MCU: variants seen among roughly 807,000 people sequenced by gnomAD.
The protein encoded by MCU is mitochondrial calcium uniporter, also known as calcium uniporter protein, mitochondrial.
MCU carries 12 observed loss-of-function variants against 45.2 expected under a neutral mutation model. That is an observed-to-expected ratio of 0.27 (90% CI 0.17 to 0.43). The LOEUF (loss-of-function observed/expected upper bound fraction) is 0.43. MCU is among the 20% of genes least tolerant of loss of function. MCU has a pLI of 1.00. For synonymous variants in MCU, 160 were observed against 165.1 expected (o/e 0.97, Z 0.24); for missense variants, 324 against 436.7 (o/e 0.74, Z 2.30).
intron 1 of MCU, among the ~76,000 whole-genome samples, chr10:72,741,547 TG>T (rs1347243788): frequency 1.3e-5 from 2 of 152,230 alleles, no homozygotes; most frequent in African/African-American, 4.8e-5. Context: ...GATATTTCCA[TG>T]CCAGGTAAAG....
At chr10:72,858,624 C>T (rs1217592102) in intron 2 of MCU, among the ~76,000 whole-genome samples, 2 of 152,118 alleles carry the variant, frequency 1.3e-5, no homozygotes, top group African/African-American at 4.8e-5. Context: ...ACCCTGGGGT[C>T]CCCTTGGCCA....
chr10:72,705,817 TCAAAAAAAA>T, intron 1 of MCU, among the ~76,000 whole-genome samples: 1 of 141,462 alleles, frequency 7.1e-6, no homozygotes. Context: ...AAACTCCGTC[TCAAAAAAAA>T]AAAAATTAGT....
chr10:72,717,113 TTCTC>T (rs972032220), intron 1 of MCU, among the ~76,000 whole-genome samples: 18 of 144,444 alleles, frequency 1.2e-4, no homozygotes, highest in East Asian at 5.8e-4. Flanking sequence ...TCTATTTCCT[TTCTC>T]TCTCTCTCTC....
chr10:72,749,668 A>G (rs913139292), intron 1 of MCU, among the ~76,000 whole-genome samples: 1 of 152,192 alleles, frequency 6.6e-6, no homozygotes, highest in African/African-American at 2.4e-5. Context: ...GAGAGTGCTG[A>G]CAATAAATAT....
chr10:72,775,186 T>C (rs767345133), intron 1 of MCU, among the ~76,000 whole-genome samples: 21 of 152,044 alleles, frequency 1.4e-4, no homozygotes, highest in Non-Finnish European at 4.4e-5. Flanking sequence ...ACAGAAATAA[T>C]ATCAAGTATC....
chr10:72,849,834 T>C (rs1845180051), intron 2 of MCU, among the ~76,000 whole-genome samples: 1 of 152,040 alleles, frequency 6.6e-6, no homozygotes, highest in Non-Finnish European at 1.5e-5. Flanking sequence ...ATGTGTGACC[T>C]AGAAGAGGAT....
intron 1 of MCU, chr10:72,767,184 T>C (rs1045133276): frequency 2.0e-5 from 3 of 152,206 alleles, no homozygotes; most frequent in Non-Finnish European, 2.9e-5. Flanking sequence ...TGTCTTTTTT[T>C]TTATTTTAAT....
chr10:72,699,635 A>G (rs1007445855), intron 1 of MCU, among the ~76,000 whole-genome samples: 2 of 148,282 alleles, frequency 1.3e-5, no homozygotes, highest in African/African-American at 5.0e-5. Flanking sequence ...GCTGTCGTCC[A>G]TGCTGGAGTG....
intron 1 of MCU, among the ~76,000 whole-genome samples, chr10:72,821,378 T>C (rs1251662554): frequency 6.6e-6 from 1 of 152,202 alleles, no homozygotes; most frequent in Non-Finnish European, 1.5e-5. Flanking sequence ...GTATGATTTA[T>C]TTGTGAGAAA....
rs187894913 is a variant in MCU, at chr10:72,795,618, C to T, written c.151-38741C>T. ...GTGTGGGTACAGTTTGATCGTGGCT[C>T]CTGATGACTGAAAATGTTGGTGGCT... is the stretch of plus-strand genomic sequence containing the variant. On this transcript the variant is annotated intron_variant, in intron 1 of 7. Coordinates refer to ENST00000373053, the MANE Select transcript of MCU (RefSeq NM_138357.3). Among the ~76,000 whole-genome samples, 156 of 152,138 alleles carry T rather than the reference C, an allele frequency of 1.0e-3. 1 individual carries two copies. Among genetic ancestry groups the T allele is most frequent in the Middle Eastern group, 0.01 (3 of 294 alleles).
intron 1 of MCU, among the ~76,000 whole-genome samples, chr10:72,701,670 G>A (rs1842760202): frequency 6.6e-6 from 1 of 151,980 alleles, no homozygotes; most frequent in Non-Finnish European, 1.5e-5. Context: ...GGGACTACAG[G>A]TACACACCAC....
chr10:72,811,854 A>G (rs1422919586), intron 1 of MCU, among the ~76,000 whole-genome samples: 2 of 152,186 alleles, frequency 1.3e-5, no homozygotes, highest in Non-Finnish European at 2.9e-5. Flanking sequence ...CTTTTTCAGT[A>G]TTATTTTCAT....
At chr10:72,768,252 A>G (rs1478509099) in intron 1 of MCU, among the ~76,000 whole-genome samples, 1 of 152,352 alleles carries the variant, frequency 6.6e-6, no homozygotes, top group East Asian at 1.9e-4. Flanking sequence ...ACTACTGACT[A>G]TGAAGTCATT....
At chr10:72,718,956 G>A (rs749348940) in intron 1 of MCU, among the ~76,000 whole-genome samples, 2 of 152,160 alleles carry the variant, frequency 1.3e-5, no homozygotes, top group Non-Finnish European at 2.9e-5. Context: ...TCAGGAGACT[G>A]ATCACCTTTG....
At chr10:72,820,161 A>C (rs76636181) in intron 1 of MCU, among the ~76,000 whole-genome samples, 1 of 152,204 alleles carries the variant, frequency 6.6e-6, no homozygotes, top group African/African-American at 2.4e-5. Flanking sequence ...TGTGCTGTGC[A>C]TGTGAATATA....
chr10:72,704,239 A>G (rs113030644), intron 1 of MCU, among the ~76,000 whole-genome samples: 4,006 of 152,266 alleles, frequency 0.026, 79 homozygotes, highest in Non-Finnish European at 0.038. Flanking sequence ...AGCGTTGTAG[A>G]TAGAGAAAAG....
chr10:72,874,908 A>G (rs989805863), intron 6 of MCU, among the ~76,000 whole-genome samples: 4 of 152,196 alleles, frequency 2.6e-5, no homozygotes, highest in Non-Finnish European at 5.9e-5. Flanking sequence ...CATTCTTTCC[A>G]CTGTGAGATA....
chr10:72,736,662 GT>G (rs766988055), intron 1 of MCU: 3 of 152,284 alleles, frequency 2.0e-5, no homozygotes, highest in Non-Finnish European at 4.4e-5. Context: ...TATTATCTTA[GT>G]AAATGTTTGC....
At chr10:72,730,560 A>G (rs1217568340) in intron 1 of MCU, 1 of 152,232 alleles carries the variant, frequency 6.6e-6, no homozygotes, top group Non-Finnish European at 1.5e-5. Flanking sequence ...AAGTGCTGGG[A>G]TTACATGGGT....
Sources: allele counts gnomAD v4.1 joint callset (sites outside exome capture counted in the v4.1 genomes callset), GRCh38; gene constraint gnomAD v4.1.1; transcripts MANE v1.5; gene names NCBI Gene and HGNC (gene_info 2026-07-23, HGNC 2026-07-21).